Variants in CDHR1 observed in about 807,000 individuals in gnomAD.
The protein encoded by CDHR1 is cadherin-related family member 1.
Under a neutral mutation model 72.1 loss-of-function variants are expected in CDHR1, and 61 were observed. The observed-to-expected ratio is 0.85, with a 90% CI of 0.69 to 1.05. CDHR1 has a LOEUF of 1.05. Among genes scored for constraint, CDHR1 ranks in the 50% least tolerant of loss-of-function variants. CDHR1 has a pLI of 0.00. For missense variants in CDHR1, 1,186 were observed against 1,115.7 expected, an observed-to-expected ratio of 1.06 and a Z score of -0.90; for synonymous variants, 470 against 448.1, an observed-to-expected ratio of 1.05 and a Z score of -0.62.
chr10:84,203,106 T>TA lies in CDHR1; in HGVS notation c.767dup (p.Tyr256Ter), dbSNP rs1842159585. ...FVGTPYYGYV[Y>*]EDTLPGSEVL... ...GGGCACACCCTACTATGGCTATGTG[T>TA]ACGAGGACACCCTTCCGGTGGGTGG... The change falls in exon 8 of 17, where the codon TAC becomes TAAC. Residue 256 changes from tyrosine to a stop codon, truncating the protein, a stop_gained and frameshift_variant. Coordinates refer to ENST00000623527, the MANE Select transcript of CDHR1 (RefSeq NM_033100.4). LOFTEE classifies it high-confidence loss of function. 6.2e-7 allele frequency: 1 copy of TA among 1,614,104 alleles called. No homozygotes were observed. The highest frequency in any genetic ancestry group is 1.3e-5 in the African/African-American group (1 of 74,950).
intron 4 of CDHR1, among the ~76,000 whole-genome samples, chr10:84,198,785 C>T (rs1484174295): frequency 6.6e-6 from 1 of 152,210 alleles, no homozygotes; most frequent in Non-Finnish European, 1.5e-5. Flanking sequence ...ATATCCCAGC[C>T]ACCATGACTA....
rs1841992734 is a variant in CDHR1, at chr10:84,194,598, C to A, written c.-163C>A. ...TCCGAGCCGTGTCATCCTCTTAGCG[C>A]CCTCACGCCACCCGCCGCTCCCGCC... On this transcript the variant is annotated 5_prime_UTR_variant, in exon 1 of 17. Coordinates refer to ENST00000623527, the MANE Select transcript of CDHR1 (RefSeq NM_033100.4). 7 of 503,812 alleles carry A rather than the reference C, an allele frequency of 1.4e-5. No individual in the cohort carries two copies. The highest frequency in any genetic ancestry group is 3.3e-5 in the South Asian group (1 of 30,238). 31.2% of individuals were successfully genotyped at this position (503,812 alleles called of 1,614,324 possible).
chr10:84,196,390 G>T, intron 2 of CDHR1, 115 bp from the exon 3 acceptor site: 3 of 1,138,600 alleles, frequency 2.6e-6, no homozygotes, highest in Non-Finnish European at 4.0e-6. Flanking sequence ...AGTACCTTTG[G>T]CACTGAGTTG....
intron 6 of CDHR1, 47 bp from the exon 7 acceptor site, chr10:84,201,760 C>G: frequency 6.7e-7 from 1 of 1,500,290 alleles, no homozygotes; most frequent in Non-Finnish European, 9.2e-7. Flanking sequence ...ATTCCTGGGG[C>G]TGGCCTGCAT....
chr10:84,204,581 C>A lies in CDHR1; in HGVS notation c.838C>A (p.Arg280=), dbSNP rs191858417. Residue 280 remains arginine, a synonymous_variant, in exon 9 of 17, where the codon CGA becomes AGA. Transcript: ENST00000623527. The part of the protein sequence containing the change: ...AMDGDRGKPN[R]ILYSLVNGND... The stretch of plus-strand genomic sequence containing the variant: ...GGATGGAGACCGGGGCAAACCCAAT[C>A]GAATTCTCTACAGCCTTGTAAATGG... 1.2e-5 allele frequency: 20 copies of A among 1,613,260 alleles called. No individual in the cohort carries two copies. In the East Asian group the frequency reaches 2.2e-4, roughly 18 times the overall value.
chr10:84,205,499 T>G (rs1399549758), intron 9 of CDHR1, among the ~76,000 whole-genome samples: 3 of 141,012 alleles, frequency 2.1e-5, no homozygotes, highest in Non-Finnish European at 3.0e-5. Flanking sequence ...TCCTCCTGCT[T>G]CCTTTCTCTT....
chr10:84,216,534 T>A lies in CDHR1; in HGVS notation c.*1913T>A. On this transcript the variant is annotated 3_prime_UTR_variant, in exon 17 of 17. Transcript: ENST00000623527. Reference sequence around the variant, plus strand: ...GTCTGTTACCCAAAGGCCATGCTGATCCCCTGCTCCCTGCTTTCATTTATG... The same window carrying A: ...GTCTGTTACCCAAAGGCCATGCTGAACCCCTGCTCCCTGCTTTCATTTATG... 2 of 985,528 alleles carry A rather than the reference T, an allele frequency of 2.0e-6. No individual in the cohort carries two copies. Among genetic ancestry groups the A allele is most frequent in the Non-Finnish European group, 2.4e-6 (2 of 829,968 alleles). The allele number at this position is 985,528 out of a possible 1,614,324, so 61.0% of individuals were successfully genotyped here.
chr10:84,197,983 C>T, intron 4 of CDHR1, 147 bp downstream of exon 4: 1 of 752,580 alleles, frequency 1.3e-6, no homozygotes, highest in Non-Finnish European at 2.3e-6. Context: ...AAAGTGCCCA[C>T]AGGAGAGGGC....
At position 84,214,336 on chromosome 10, in the gene CDHR1, C is replaced by T; in HGVS notation, c.2295C>T (p.Thr765=). ...WLKSKSTKAA[T]KFMLKEKPPN... ...AGTCCAAGAGCACCAAAGCCGCTAC[C>T]AAGTTCATGCTCAAAGAGAAACCTC... Residue 765 remains threonine (T), a synonymous_variant, in exon 17 of 17, where the codon ACC becomes ACT. Transcript: ENST00000623527. 6.2e-7 allele frequency: 1 copy of T among 1,614,202 alleles called. No individual in the cohort carries two copies. Among genetic ancestry groups the T allele is most frequent in the East Asian group, 2.2e-5 (1 of 44,862 alleles).
chr10:84,205,767 G>A (rs561010620), intron 9 of CDHR1, 60 bp from the exon 10 acceptor site: 25 of 1,159,546 alleles, frequency 2.2e-5, no homozygotes, highest in Non-Finnish European at 2.8e-5. Flanking sequence ...CCTGTGGCAC[G>A]ACTCCCCTGC....
intron 9 of CDHR1, 161 bp from the exon 10 acceptor site, chr10:84,205,666 A>T: frequency 1.5e-6 from 1 of 683,788 alleles, no homozygotes; most frequent in Non-Finnish European, 2.7e-6. Flanking sequence ...TAGACAAGTT[A>T]CTTAGCCCCT....
intron 8 of CDHR1, among the ~76,000 whole-genome samples, chr10:84,204,273 T>A (rs1842183447): frequency 6.6e-6 from 1 of 151,968 alleles, no homozygotes; most frequent in Non-Finnish European, 1.5e-5. Flanking sequence ...GGCCTGAGAA[T>A]CCCTGGGCAG....
chr10:84,199,848 T>A (rs1466881841), intron 5 of CDHR1, among the ~76,000 whole-genome samples: 5 of 152,178 alleles, frequency 3.3e-5, no homozygotes, highest in Non-Finnish European at 7.4e-5. Flanking sequence ...CTCTGCCCCT[T>A]GACAATACTG....
intron 10 of CDHR1, among the ~76,000 whole-genome samples, chr10:84,207,243 A>G (rs1220217620): frequency 6.6e-6 from 1 of 152,112 alleles, no homozygotes; most frequent in Non-Finnish European, 1.5e-5. Flanking sequence ...AGCTGTGTGA[A>G]GAGGCTGAGA....
Position 84,217,523 on chromosome 10 carries a change from T to G in CDHR1, c.*2902T>G. 1 of 978,026 alleles carries G rather than the reference T, an allele frequency of 1.0e-6. No individual in the cohort carries two copies. Among genetic ancestry groups the G allele is most frequent in the South Asian group, 4.7e-5 (1 of 21,136 alleles). The allele number at this position is 978,026 out of a possible 1,614,324, so 60.6% of individuals were successfully genotyped here. A position where few individuals can be genotyped will look rare whatever the true frequency, so the allele number is the denominator to read the frequency against. ...GAGGTCAAGTCTCTCTGGGCCTCAC[T>G]TTCCTCATTAACACAGGGTGCAAAG... On this transcript the variant is annotated 3_prime_UTR_variant, in exon 17 of 17. Transcript: ENST00000623527.
rs751597954 is a variant in CDHR1, at chr10:84,212,188, C to G, written c.1563C>G (p.Ile521Met). 6.2e-7 allele frequency: 1 copy of G among 1,613,974 alleles called. No homozygotes were observed. The highest frequency in any genetic ancestry group is 8.5e-7 in the Non-Finnish European group (1 of 1,179,962). ...GTGCTCTGCCTGGCAGCTTCCTGAT[C>G]CACCCATCCACTGGGCTTATCTACA... ...TYGTGADLFLIHPSTGLIYTQ... is the reference protein window; with the variant it reads ...TYGTGADLFLMHPSTGLIYTQ... Residue 521 changes from isoleucine to methionine, a missense_variant, in exon 15 of 17, where the codon ATC (isoleucine) becomes ATG (methionine). Transcript: ENST00000623527.
chr10:84,201,163 T>C (rs1842117861), intron 6 of CDHR1, among the ~76,000 whole-genome samples: 1 of 152,138 alleles, frequency 6.6e-6, no homozygotes, highest in Non-Finnish European at 1.5e-5. Context: ...CTTTCCCAGC[T>C]CAGTTTCCTC....
rs764500651 is a variant in CDHR1 at position 84,214,472 on chromosome 10, G to C, written c.2431G>C (p.Val811Leu). 1.2e-6 allele frequency: 2 copies of C among 1,610,406 alleles called. No homozygotes were observed. Among genetic ancestry groups the C allele is most frequent in the Non-Finnish European group, 1.7e-6 (2 of 1,179,656 alleles). The change falls in exon 17 of 17, where the codon GTG (valine) becomes CTG (leucine). Residue 811 changes from valine to leucine, a missense_variant. Physicochemically the swap from Val to Leu is conservative, Grantham distance 32 (BLOSUM62 1). Transcript: ENST00000623527. ...APSTGAAQWTVPTVSGSLTPQ... is the reference protein window; with the variant it reads ...APSTGAAQWTLPTVSGSLTPQ... ...CAGCACTGGCGCAGCCCAGTGGACC[G>C]TGCCTACTGTCTCTGGCTCTCTCAC...
intron 2 of CDHR1, 98 bp from the exon 3 acceptor site, chr10:84,196,407 C>T: frequency 2.2e-6 from 3 of 1,347,182 alleles, no homozygotes; most frequent in Admixed American, 3.4e-5. Flanking sequence ...GTTGAATAGT[C>T]ACTTTATAAA....
Sources: allele counts gnomAD v4.1 joint callset (sites outside exome capture counted in the v4.1 genomes callset), GRCh38; gene constraint gnomAD v4.1.1; transcripts MANE v1.5; gene names NCBI Gene and HGNC (gene_info 2026-07-23, HGNC 2026-07-21).